The following EEF1AKMT2 variants were observed in gnomAD, a reference collection of about 807,000 sequenced individuals.
The protein encoded by EEF1AKMT2 is EEF1A lysine methyltransferase 2.
A neutral mutation model predicts 35.8 loss-of-function variants in EEF1AKMT2; 32 were observed. That is an observed-to-expected ratio of 0.89 (90% confidence interval 0.67 to 1.20). EEF1AKMT2 has a LOEUF of 1.20. Ranked by LOEUF, EEF1AKMT2 falls within the 50% of genes most tolerant of loss-of-function variation. The probability of loss-of-function intolerance (pLI) is 0.00; values close to 1 mark genes in which losing one functional copy is unlikely to be tolerated. For missense variants in EEF1AKMT2, 330 were observed against 347.5 expected, an observed-to-expected ratio of 0.95 and a Z score of 0.40; for synonymous variants, 121 against 133.7, an observed-to-expected ratio of 0.91 and a Z score of 0.65.
rs1348304671 is a variant in EEF1AKMT2, at chr10:124,774,788, G to A, written c.292-6C>T. 2 of 1,347,708 alleles carry A rather than the reference G, an allele frequency of 1.5e-6. No homozygotes were observed. Among genetic ancestry groups the A allele is most frequent in the African/African-American group, 3.1e-5 (2 of 65,522 alleles). 83.5% of individuals were successfully genotyped at this position (1,347,708 alleles called of 1,614,324 possible). On this transcript the variant is annotated splice_region_variant and splice_polypyrimidine_tract_variant and intron_variant, in intron 3 of 6. Coordinates refer to ENST00000368836, the MANE Select transcript of EEF1AKMT2 (RefSeq NM_212554.4). ...TTAGAGAAACCAAATTTTGCCTAGA[G>A]AGAAATAATTTTATACTTTAGTATA... is the stretch of plus-strand genomic sequence containing the variant.
At chr10:124,761,442 G>A (rs1280459746) in intron 6 of EEF1AKMT2, among the ~76,000 whole-genome samples, 1 of 150,506 alleles carries the variant, frequency 6.6e-6, no homozygotes, top group Non-Finnish European at 1.5e-5. Flanking sequence ...ATTAAAAACA[G>A]TAATTTATAA....
intron 3 of EEF1AKMT2, chr10:124,782,900 T>C (rs1950555045): frequency 1.4e-5 from 5 of 368,304 alleles, no homozygotes; most frequent in Non-Finnish European, 2.7e-5. Context: ...TGAACATAAA[T>C]GTTCTAAATA....
intron 3 of EEF1AKMT2, among the ~76,000 whole-genome samples, chr10:124,788,475 T>C (rs895311508): frequency 8.6e-5 from 13 of 151,838 alleles, no homozygotes; most frequent in African/African-American, 3.1e-4. Context: ...ACTCTTATGT[T>C]TATTTCTGTA....
intron 3 of EEF1AKMT2, among the ~76,000 whole-genome samples, chr10:124,784,409 TA>T (rs1330760730): frequency 4.4e-4 from 67 of 151,622 alleles, no homozygotes; most frequent in African/African-American, 1.2e-3. Context: ...ATCAACAATT[TA>T]AAAAAAAATT....
At chr10:124,782,304 C>T (rs1412341112) in intron 3 of EEF1AKMT2, among the ~76,000 whole-genome samples, 3 of 151,878 alleles carry the variant, frequency 2.0e-5, no homozygotes, top group African/African-American at 7.3e-5. Flanking sequence ...CAAGACCGGC[C>T]GGGTGCGGTG....
At chr10:124,778,842 G>T (rs1589788698) in intron 3 of EEF1AKMT2, among the ~76,000 whole-genome samples, 1 of 151,916 alleles carries the variant, frequency 6.6e-6, no homozygotes, top group Non-Finnish European at 1.5e-5. Flanking sequence ...CTAACAATAA[G>T]TGATAAAGAA....
intron 4 of EEF1AKMT2, among the ~76,000 whole-genome samples, chr10:124,773,116 T>A (rs1316936007): frequency 6.6e-6 from 1 of 152,250 alleles, no homozygotes; most frequent in Non-Finnish European, 1.5e-5. Context: ...TGATTTAGAG[T>A]GAGAGATGTG....
chr10:124,774,921 A>T (rs1029556574), intron 3 of EEF1AKMT2, 139 bp from the exon 4 acceptor site: 1 of 353,066 alleles, frequency 2.8e-6, no homozygotes, highest in African/African-American at 2.1e-5. Flanking sequence ...CATAATGCTT[A>T]AATTTTATTG....
In EEF1AKMT2 at chr10:124,765,472, C is replaced by T. The variant is rs1950371048; in HGVS notation, c.536G>A (p.Arg179Lys). The T allele has an allele frequency of 6.2e-7, 1 of 1,613,874 alleles. No homozygotes were observed. The highest frequency in any genetic ancestry group is 1.1e-5 in the South Asian group (1 of 91,078). Residue 179 changes from arginine to lysine, a missense_variant, in exon 5 of 7, where the codon AGG becomes AAG. Transcript: ENST00000368836. ...KRKQYVKSLS[R>K]VLKVKGFFLI... is the part of the protein sequence containing the mutation. ...AAAAAAGCCTTTTACTTTCAACACC[C>T]TGGAGAGAGATTTCACATATTGCTT...
intron 4 of EEF1AKMT2, among the ~76,000 whole-genome samples, chr10:124,773,554 C>A (rs887851291): frequency 6.6e-6 from 1 of 151,986 alleles, no homozygotes; most frequent in Non-Finnish European, 1.5e-5. Flanking sequence ...TTTTAATTGG[C>A]CTAATTTCAA....
At chr10:124,782,968 T>G (rs1950555669) in intron 3 of EEF1AKMT2, 1 of 430,998 alleles carries the variant, frequency 2.3e-6, no homozygotes, top group East Asian at 7.0e-5. Flanking sequence ...AACTATATGC[T>G]GGCTACAAGA....
At chr10:124,785,246 C>CAAAAA (rs35915292) in intron 3 of EEF1AKMT2, among the ~76,000 whole-genome samples, 50 of 61,338 alleles carry the variant, frequency 8.2e-4, no homozygotes, top group Admixed American at 1.8e-3. Context: ...GACTCCGTCT[C>CAAAAA]AAAAAAAAAA....
At chr10:124,775,068 A>C (rs1232393448) in intron 3 of EEF1AKMT2, among the ~76,000 whole-genome samples, 1 of 152,230 alleles carries the variant, frequency 6.6e-6, no homozygotes, top group Non-Finnish European at 1.5e-5. Context: ...AGGCAAAAAA[A>C]GGTAACATTA....
At chr10:124,787,048 C>G (rs1390856727) in intron 3 of EEF1AKMT2, among the ~76,000 whole-genome samples, 1 of 150,290 alleles carries the variant, frequency 6.7e-6, no homozygotes, top group Non-Finnish European at 1.5e-5. Flanking sequence ...CGGGTTCACA[C>G]CATTCTCCTG....
chr10:124,762,204 A>C, intron 6 of EEF1AKMT2, 96 bp downstream of exon 6: 5 of 898,368 alleles, frequency 5.6e-6, no homozygotes, highest in Non-Finnish European at 7.0e-6. Flanking sequence ...TTTTGTAAAG[A>C]TCCAAATAAG....
In EEF1AKMT2 at chr10:124,769,907, T is replaced by C. The variant is rs183360275; in HGVS notation, c.400-4299A>G. 1.7e-3 allele frequency among the ~76,000 whole-genome samples: 215 copies of C among 128,092 alleles called. 3 individuals carry two copies. The highest frequency in any genetic ancestry group is 0.011 in the Admixed American group (113 of 9,836). The allele number at this position is 128,092 out of a possible 152,430, so 84.0% of individuals were successfully genotyped here. On this transcript the variant is annotated intron_variant, in intron 4 of 6. Transcript: ENST00000368836. ...GTTGTGGTGAGCCGAGATCACACCA[T>C]TGCATTCCAGCCAGGGCAACAAGAG...
At chr10:124,782,450 C>T (rs1235008459) in intron 3 of EEF1AKMT2, among the ~76,000 whole-genome samples, 3 of 151,582 alleles carry the variant, frequency 2.0e-5, no homozygotes, top group Admixed American at 6.6e-5. Context: ...GGCGTGGTAG[C>T]GGGCGCCTGT....
chr10:124,784,930 TA>T (rs35519795), intron 3 of EEF1AKMT2, among the ~76,000 whole-genome samples: 65,951 of 123,614 alleles, frequency 0.53, 16,865 homozygotes, highest in South Asian at 0.67. Context: ...GATTCCATCT[TA>T]AAAAAAAAAA....
chr10:124,774,491 C>A (rs1950471710), intron 4 of EEF1AKMT2, among the ~76,000 whole-genome samples, 184 bp downstream of exon 4: 1 of 141,706 alleles, frequency 7.1e-6, no homozygotes, highest in Non-Finnish European at 1.5e-5. Flanking sequence ...AACAAACATA[C>A]AGAAGAAAAA....
Sources: allele counts gnomAD v4.1 joint callset (sites outside exome capture counted in the v4.1 genomes callset), GRCh38; gene constraint gnomAD v4.1.1; transcripts MANE v1.5; gene names NCBI Gene and HGNC (gene_info 2026-07-23, HGNC 2026-07-21).